Variants in UACA observed in about 807,000 individuals in gnomAD.
UACA encodes the protein nuclear membrane binding protein.
Under a neutral mutation model 160.5 loss-of-function variants are expected in UACA, and 112 were observed. That is an observed-to-expected ratio of 0.70 (90% CI 0.60 to 0.82). UACA has a LOEUF of 0.82. Ranked by LOEUF, UACA falls within the 40% of genes least tolerant of loss-of-function variation. The pLI, the probability that UACA is intolerant of heterozygous loss-of-function variation, is 0.00. For missense variants in UACA, 1,574 were observed against 1,614.6 expected, an observed-to-expected ratio of 0.97 and a Z score of 0.43; for synonymous variants, 557 against 568.4, an observed-to-expected ratio of 0.98 and a Z score of 0.29.
At chr15:70,687,008 C>G (rs1003471641) in intron 7 of UACA, among the ~76,000 whole-genome samples, 3 of 152,062 alleles carry the variant, frequency 2.0e-5, no homozygotes, top group Non-Finnish European at 4.4e-5. Flanking sequence ...AGCAAGGGAC[C>G]TCTGCAGTAC....
intron 17 of UACA, 47 bp downstream of exon 17, chr15:70,664,615 G>A: frequency 6.4e-7 from 1 of 1,552,152 alleles, no homozygotes; most frequent in Non-Finnish European, 8.7e-7. Flanking sequence ...CTAACTACAG[G>A]GAGCCAGCAC....
rs187549198 is a variant in UACA, at chr15:70,754,083, G to A, written c.78+9247C>T. The A allele has an allele frequency of 2.2e-5, 10 of 455,676 alleles. No homozygotes were observed. The East Asian group carries it at 7.0e-4, about 32-fold the overall frequency. The allele number at this position is 455,676 out of a possible 1,614,324, so 28.2% of individuals were successfully genotyped here. On this transcript the variant is annotated intron_variant, in intron 1 of 18. Coordinates refer to ENST00000322954, the MANE Select transcript of UACA (RefSeq NM_018003.4). The stretch of plus-strand genomic sequence containing the variant: ...GGCCTTCCAAAGTGTTGGGATTACA[G>A]GCGTGAGCCACTACGCCCAGCCTAT...
intron 1 of UACA, chr15:70,703,149 G>A (rs770595569): frequency 1.6e-6 from 2 of 1,289,152 alleles, no homozygotes; most frequent in South Asian, 2.5e-5. Flanking sequence ...ACCAAGGCCG[G>A]TGCAAATTCA....
chr15:70,736,445 T>TG (rs1470960668), intron 1 of UACA, among the ~76,000 whole-genome samples: 1 of 152,152 alleles, frequency 6.6e-6, no homozygotes, highest in Non-Finnish European at 1.5e-5. Context: ...ATGCTTTTTT[T>TG]GGGGGGTGGG....
intron 1 of UACA, among the ~76,000 whole-genome samples, chr15:70,723,394 T>A (rs963316613): frequency 6.6e-6 from 1 of 152,180 alleles, no homozygotes; most frequent in Non-Finnish European, 1.5e-5. Flanking sequence ...ACTCTTATAA[T>A]AGACTTACTG....
At chr15:70,700,738 C>T (rs1248159335) in intron 1 of UACA, among the ~76,000 whole-genome samples, 1 of 151,934 alleles carries the variant, frequency 6.6e-6, no homozygotes, top group South Asian at 2.1e-4. Context: ...GTTACTTAAA[C>T]AGGTGAGATT....
At chr15:70,770,078 T>C in the UACA span, among the ~76,000 whole-genome samples, 1 of 152,240 alleles carries the variant, frequency 6.6e-6, no homozygotes, top group Non-Finnish European at 1.5e-5. Context: ...AATACATGGT[T>C]GATTGATTGA....
At chr15:70,768,157 C>G (rs2031060993), upstream of UACA, 1 of 152,198 alleles carries the variant, frequency 6.6e-6, no homozygotes, top group Non-Finnish European at 1.5e-5. Context: ...TTACTCAGCA[C>G]TAAAATTTCA....
rs779733419 is a variant in UACA, at chr15:70,668,007, T to C, written c.2677A>G (p.Ile893Val). 3.1e-6 allele frequency: 5 copies of C among 1,602,936 alleles called. No individual in the cohort carries two copies. The highest frequency in any genetic ancestry group is 1.7e-5 in the Admixed American group (1 of 58,454). ...TTTATTTTTACAAATTCCTGATTTA[T>C]ATCTTCAAATTTTTTCTTCACATCT... ...LLDVKKKFED[I>V]NQEFVKIKDK... Residue 893 changes from isoleucine to valine, a missense_variant, in exon 16 of 19, where the codon ATA becomes GTA. Ile to Val is a conservative substitution (Grantham distance 29). Transcript: ENST00000322954.
At chr15:70,658,003 T>C (rs1896545059) in intron 18 of UACA, among the ~76,000 whole-genome samples, 1 of 151,592 alleles carries the variant, frequency 6.6e-6, no homozygotes, top group African/African-American at 2.4e-5. Context: ...GGGAGGATGA[T>C]CACTTGAGCC....
At chr15:70,662,010 G>A (rs1456258684) in intron 17 of UACA, among the ~76,000 whole-genome samples, 1 of 152,158 alleles carries the variant, frequency 6.6e-6, no homozygotes, top group Non-Finnish European at 1.5e-5. Flanking sequence ...GTTCTGGCCA[G>A]GGCAATCAGG....
chr15:70,677,120 A>C lies in UACA; in HGVS notation c.1020T>G (p.Asp340Glu), dbSNP rs200302709. The change falls in exon 12 of 19, where the codon GAT (aspartate) becomes GAG (glutamate). Residue 340 changes from aspartate (D) to glutamate (E), a missense_variant. Physicochemically the swap from Asp to Glu is conservative, Grantham distance 45 (BLOSUM62 2). Transcript: ENST00000322954. ...AATGTCACCCTACCTCGCTTTCCAG[A>C]TCATCAGCAACCATAACTTCCTAAA... ...QLNEEVMVAD[D>E]LESEREKLKS... is the part of the protein sequence containing the mutation. 2.2e-5 allele frequency: 35 copies of C among 1,604,226 alleles called. No individual in the cohort carries two copies. The highest frequency in any genetic ancestry group is 3.0e-5 in the Non-Finnish European group (35 of 1,175,482).
At chr15:70,753,573 A>G (rs2030222860) in intron 1 of UACA, among the ~76,000 whole-genome samples, 1 of 152,166 alleles carries the variant, frequency 6.6e-6, no homozygotes, top group Non-Finnish European at 1.5e-5. Context: ...GGGCAGGTAA[A>G]TTATTTAACT....
intron 1 of UACA, among the ~76,000 whole-genome samples, chr15:70,714,324 T>G (rs1338078578): frequency 6.6e-6 from 1 of 152,178 alleles, no homozygotes; most frequent in Non-Finnish European, 1.5e-5. Context: ...AGGAAAAGAA[T>G]GTTAAAATAT....
intron 3 of UACA, among the ~76,000 whole-genome samples, 180 bp downstream of exon 3, chr15:70,694,837 T>C (rs1427941266): frequency 1.3e-5 from 2 of 152,076 alleles, no homozygotes; most frequent in African/African-American, 4.8e-5. Context: ...TTCTCCTAAA[T>C]TCCCTATACT....
At chr15:70,751,825 T>C (rs573758098) in intron 1 of UACA, among the ~76,000 whole-genome samples, 88 of 152,326 alleles carry the variant, frequency 5.8e-4, no homozygotes, top group African/African-American at 2.0e-3. Context: ...GTTTACCTAC[T>C]TATACATGGC....
chr15:70,709,096 T>C (rs1344756399), intron 1 of UACA, among the ~76,000 whole-genome samples: 1 of 152,220 alleles, frequency 6.6e-6, no homozygotes. Flanking sequence ...CAAAAGAAAG[T>C]ATTAACATAT....
At chr15:70,722,063 GA>G (rs1899009327) in intron 1 of UACA, among the ~76,000 whole-genome samples, 1 of 152,174 alleles carries the variant, frequency 6.6e-6, no homozygotes, top group South Asian at 2.1e-4. Flanking sequence ...TGAAAACTCA[GA>G]TAAGGGATGG....
intron 17 of UACA, 133 bp downstream of exon 17, chr15:70,664,529 C>T (rs993729801): frequency 8.9e-6 from 10 of 1,128,564 alleles, no homozygotes; most frequent in Admixed American, 3.3e-5. Flanking sequence ...GGTAACTTTT[C>T]GCATATAAAA....
Sources: allele counts gnomAD v4.1 joint callset (sites outside exome capture counted in the v4.1 genomes callset), GRCh38; gene constraint gnomAD v4.1.1; transcripts MANE v1.5; gene names NCBI Gene and HGNC (gene_info 2026-07-23, HGNC 2026-07-21).